Variants in CSMD1 observed in about 807,000 individuals in gnomAD.
CSMD1 encodes CUB and Sushi multiple domains 1, also known as CUB and sushi domain-containing protein 1.
In CSMD1, 213 loss-of-function variants were observed where a neutral mutation model predicts 417.5. The observed-to-expected ratio is 0.51, with a 90% confidence interval of 0.46 to 0.57. The LOEUF (loss-of-function observed/expected upper bound fraction) is 0.57, where lower values mean the gene tolerates loss of function less well. CSMD1 is among the 20% of genes least tolerant of loss of function. CSMD1 has a pLI of 0.00. For missense variants in CSMD1, 6,923 were observed against 4,529.7 expected, an observed-to-expected ratio of 1.53 and a Z score of -15.17; for synonymous variants, 2,862 against 1,736.8, an observed-to-expected ratio of 1.65 and a Z score of -16.11.
chr8:3,821,431 T>G (rs1224811976), intron 5 of CSMD1, among the ~76,000 whole-genome samples: 1 of 152,218 alleles, frequency 6.6e-6, no homozygotes, highest in Non-Finnish European at 1.5e-5. Flanking sequence ...CATTCTGCTA[T>G]GACGCATAAT....
chr8:3,750,471 C>G (rs889224395), intron 6 of CSMD1, among the ~76,000 whole-genome samples: 4 of 151,902 alleles, frequency 2.6e-5, no homozygotes, highest in South Asian at 4.2e-4. Context: ...TTATTGTTGT[C>G]TTATTAGTCC....
intron 9 of CSMD1, among the ~76,000 whole-genome samples, chr8:3,576,941 T>C (rs1800175020): frequency 6.6e-6 from 1 of 152,252 alleles, no homozygotes; most frequent in Non-Finnish European, 1.5e-5. Flanking sequence ...AAACATCATG[T>C]AGCGTTCATA....
At chr8:3,938,160 G>C (rs150481493) in intron 5 of CSMD1, among the ~76,000 whole-genome samples, 2 of 152,192 alleles carry the variant, frequency 1.3e-5, no homozygotes, top group East Asian at 1.9e-4. Context: ...TCTGGTAATT[G>C]TGTCAATAAA....
chr8:4,593,716 C>T (rs932037241), intron 2 of CSMD1, among the ~76,000 whole-genome samples: 1 of 152,220 alleles, frequency 6.6e-6, no homozygotes, highest in African/African-American at 2.4e-5. Flanking sequence ...TATACCAGAT[C>T]TCTTAATTTT....
intron 1 of CSMD1, among the ~76,000 whole-genome samples, chr8:4,697,261 G>A (rs1224954219): frequency 1.3e-5 from 2 of 152,090 alleles, no homozygotes; most frequent in East Asian, 1.9e-4. Context: ...AAGGCCCTTA[G>A]AACATATAGC....
chr8:4,956,431 A>G (rs1809116833), intron 1 of CSMD1, among the ~76,000 whole-genome samples: 2 of 149,064 alleles, frequency 1.3e-5, no homozygotes, highest in Middle Eastern at 3.6e-3. Flanking sequence ...TCATATGTGC[A>G]TATATTTAAT....
chr8:4,064,487 T>A (rs1799141343), intron 3 of CSMD1, among the ~76,000 whole-genome samples: 1 of 152,242 alleles, frequency 6.6e-6, no homozygotes, highest in Admixed American at 6.5e-5. Flanking sequence ...TAGAGCTGCA[T>A]GTGCCTGCAA....
At chr8:4,649,159 G>A (rs1005387754) in intron 1 of CSMD1, among the ~76,000 whole-genome samples, 2 of 152,108 alleles carry the variant, frequency 1.3e-5, no homozygotes, top group African/African-American at 2.4e-5. Context: ...CTCTAGACTG[G>A]CAGCCATGAA....
intron 3 of CSMD1, among the ~76,000 whole-genome samples, chr8:4,104,209 G>C (rs986937688): frequency 2.0e-5 from 3 of 152,210 alleles, no homozygotes; most frequent in Admixed American, 1.3e-4. Flanking sequence ...TAGTGTGTGT[G>C]AATGTACGTG....
chr8:4,335,980 G>C (rs116987234), intron 3 of CSMD1, among the ~76,000 whole-genome samples: 3,892 of 152,192 alleles, frequency 0.026, 58 homozygotes, highest in Middle Eastern at 0.065. Context: ...TGAGACTATA[G>C]GGTCAGCCCC....
At chr8:4,289,629 G>A (rs1475924444) in intron 3 of CSMD1, among the ~76,000 whole-genome samples, 2 of 152,294 alleles carry the variant, frequency 1.3e-5, no homozygotes, top group Admixed American at 6.5e-5. Context: ...GGGATCTGCT[G>A]GACGGAGTAG....
At chr8:3,925,664 T>C (rs921159796) in intron 5 of CSMD1, among the ~76,000 whole-genome samples, 1 of 152,006 alleles carries the variant, frequency 6.6e-6, no homozygotes, top group South Asian at 2.1e-4. Context: ...TTTCCACTTT[T>C]GCCTCCTCCT....
intron 5 of CSMD1, among the ~76,000 whole-genome samples, chr8:3,995,277 G>A (rs1048361406): frequency 6.6e-6 from 1 of 152,208 alleles, no homozygotes; most frequent in African/African-American, 2.4e-5. Flanking sequence ...CTCCACTGAA[G>A]AGTCATTGAA....
intron 2 of CSMD1, among the ~76,000 whole-genome samples, chr8:4,440,666 T>G (rs1049533218): frequency 2.6e-5 from 4 of 152,218 alleles, no homozygotes; most frequent in African/African-American, 9.6e-5. Flanking sequence ...TTGTGCTGCT[T>G]GAGAATTTTA....
intron 3 of CSMD1, among the ~76,000 whole-genome samples, chr8:4,337,121 ATTT>A (rs1800218638): frequency 6.6e-6 from 1 of 152,136 alleles, no homozygotes; most frequent in South Asian, 2.1e-4. Flanking sequence ...AGACCGAAGC[ATTT>A]AAGTGGGATC....
At chr8:4,285,350 A>G (rs1797004500) in intron 3 of CSMD1, among the ~76,000 whole-genome samples, 1 of 152,202 alleles carries the variant, frequency 6.6e-6, no homozygotes, top group African/African-American at 2.4e-5. Flanking sequence ...TAGAACTCCC[A>G]TCTGAAACTG....
At chr8:3,579,877 G>T (rs892005895) in intron 9 of CSMD1, among the ~76,000 whole-genome samples, 1 of 152,182 alleles carries the variant, frequency 6.6e-6, no homozygotes, top group East Asian at 1.9e-4. Context: ...GCTGAGGCGG[G>T]TGGATTACCT....
At chr8:4,337,791 C>T (rs1208316775) in intron 3 of CSMD1, among the ~76,000 whole-genome samples, 1 of 152,064 alleles carries the variant, frequency 6.6e-6, no homozygotes, top group African/African-American at 2.4e-5. Context: ...TCACACAGCT[C>T]TGATAAATTT....
At chr8:4,738,292 T>C (rs7826378) in intron 1 of CSMD1, among the ~76,000 whole-genome samples, 1 of 152,070 alleles carries the variant, frequency 6.6e-6, no homozygotes, top group African/African-American at 2.4e-5. Context: ...GAGAATGGGT[T>C]ATTTACAGAG....
Sources: gnomAD v4.1 joint callset for allele counts (sites outside exome capture counted in the v4.1 genomes callset) on GRCh38, gnomAD v4.1.1 for gene constraint, MANE v1.5 for transcripts, NCBI Gene and HGNC (gene_info 2026-07-23, HGNC 2026-07-21) for gene names.